UBA2: variants seen among roughly 807,000 people sequenced by gnomAD.
UBA2 encodes ubiquitin like modifier activating enzyme 2, also known as SUMO-activating enzyme subunit 2.
In UBA2, 11 loss-of-function variants were observed where a neutral mutation model predicts 77.2. The observed-to-expected ratio is 0.14, with a 90% confidence interval of 0.09 to 0.24. The LOEUF (loss-of-function observed/expected upper bound fraction) is 0.24. Ranked by LOEUF, UBA2 falls within the 10% of genes least tolerant of loss-of-function variation. The probability of loss-of-function intolerance (pLI) is 1.00; values close to 1 mark genes in which losing one functional copy is unlikely to be tolerated. For synonymous variants in UBA2, 278 were observed against 276.7 expected (o/e 1.00, Z -0.05); for missense variants, 487 against 781.7 (o/e 0.62, Z 4.50).
At chr19:34,438,908 T>C in intron 6 of UBA2, 142 bp downstream of exon 6, 1 of 1,205,952 alleles carries the variant, frequency 8.3e-7, no homozygotes, top group Non-Finnish European at 1.1e-6. Context: ...TTGCAGTATT[T>C]CTTAGGTTAA....
chr19:34,445,239 C>T, intron 8 of UBA2, 118 bp downstream of exon 8: 1 of 998,310 alleles, frequency 1.0e-6, no homozygotes, highest in Admixed American at 2.8e-5. Flanking sequence ...TATGTATATG[C>T]CTTGTGATGT....
At chr19:34,440,445 C>G (rs1173954450) in intron 6 of UBA2, among the ~76,000 whole-genome samples, 1 of 152,054 alleles carries the variant, frequency 6.6e-6, no homozygotes, top group Non-Finnish European at 1.5e-5. Flanking sequence ...ACAAAACTTG[C>G]AAGGAGTATA....
intron 16 of UBA2, among the ~76,000 whole-genome samples, chr19:34,467,529 C>A (rs2075700463): frequency 1.3e-5 from 2 of 151,642 alleles, no homozygotes. Context: ...AACCCCAACG[C>A]TTTGGGAGGC....
intron 1 of UBA2, 48 bp downstream of exon 1, chr19:34,428,618 C>T: frequency 2.8e-6 from 3 of 1,067,364 alleles, no homozygotes; most frequent in Non-Finnish European, 3.5e-6. Flanking sequence ...GGTGCGGGGG[C>T]TGGGATTCGG....
intron 1 of UBA2, 148 bp from the exon 2 acceptor site, chr19:34,430,428 T>G: frequency 4.1e-6 from 2 of 483,356 alleles, no homozygotes; most frequent in South Asian, 8.9e-5. Context: ...CTTTATCAGT[T>G]TAACAATTTT....
At chr19:34,431,828 A>G (rs1187486084) in intron 2 of UBA2, 33 bp from the exon 3 acceptor site, 2 of 1,585,342 alleles carry the variant, frequency 1.3e-6, no homozygotes, top group Admixed American at 1.7e-5. Context: ...GAACAGAAAT[A>G]TTGTAGTAAT....
At chr19:34,450,148 T>C in intron 8 of UBA2, 117 bp from the exon 9 acceptor site, 1 of 666,824 alleles carries the variant, frequency 1.5e-6, no homozygotes, top group Non-Finnish European at 2.6e-6. Context: ...GCTGCTGGTA[T>C]ATGACATGTA....
intron 6 of UBA2, among the ~76,000 whole-genome samples, chr19:34,439,743 C>A (rs1182450260): frequency 6.6e-6 from 1 of 152,018 alleles, no homozygotes; most frequent in Non-Finnish European, 1.5e-5. Flanking sequence ...TCAGTTGAGC[C>A]TGGGAGGTTG....
At chr19:34,429,609 C>A (rs916674502) in intron 1 of UBA2, among the ~76,000 whole-genome samples, 1 of 152,196 alleles carries the variant, frequency 6.6e-6, no homozygotes, top group African/African-American at 2.4e-5. Flanking sequence ...ATTCAATAAA[C>A]GTTTGCCATG....
chr19:34,440,925 CAAAA>C (rs569153016), intron 6 of UBA2, among the ~76,000 whole-genome samples: 1 of 64,464 alleles, frequency 1.6e-5, no homozygotes. Context: ...GACTCCATCT[CAAAA>C]AAAAAAAAAA....
intron 14 of UBA2, among the ~76,000 whole-genome samples, chr19:34,463,413 A>G (rs1002452358): frequency 6.6e-5 from 10 of 152,176 alleles, no homozygotes; most frequent in African/African-American, 2.2e-4. Context: ...AGAAATTTAT[A>G]TTCTCACAGT....
intron 13 of UBA2, 42 bp downstream of exon 13, chr19:34,458,966 G>A: frequency 6.4e-7 from 1 of 1,563,384 alleles, no homozygotes; most frequent in Non-Finnish European, 8.7e-7. Context: ...TGCTTTTACA[G>A]TATTACTGTG....
At chr19:34,466,093 T>C (rs2075684526) in intron 15 of UBA2, among the ~76,000 whole-genome samples, 2 of 151,986 alleles carry the variant, frequency 1.3e-5, no homozygotes, top group Non-Finnish European at 2.9e-5. Flanking sequence ...CCCAGCACTT[T>C]GGGAGGCTGA....
intron 6 of UBA2, 60 bp downstream of exon 6, chr19:34,438,826 T>G: frequency 6.3e-7 from 1 of 1,591,774 alleles, no homozygotes; most frequent in South Asian, 1.1e-5. Flanking sequence ...TGGAGTCATT[T>G]TTATTTAATT....
chr19:34,428,838 C>A, intron 1 of UBA2: 1 of 1,129,730 alleles, frequency 8.9e-7, no homozygotes, highest in Non-Finnish European at 1.1e-6. Context: ...CAATGTGTGG[C>A]GCTTCGTGGG....
intron 16 of UBA2, among the ~76,000 whole-genome samples, chr19:34,468,097 T>G (rs1275131004): frequency 1.3e-5 from 2 of 152,218 alleles, no homozygotes; most frequent in Non-Finnish European, 2.9e-5. Flanking sequence ...AATAACTGAT[T>G]GTTTACTGTA....
chr19:34,437,673 T>G (rs1283669886), intron 5 of UBA2, among the ~76,000 whole-genome samples: 1 of 152,176 alleles, frequency 6.6e-6, no homozygotes, highest in Non-Finnish European at 1.5e-5. Flanking sequence ...GATGATTCAT[T>G]TGATAGTTTT....
At chr19:34,457,180 ATATATATATAT>A (rs1346869760) in intron 12 of UBA2, among the ~76,000 whole-genome samples, 22 of 39,984 alleles carry the variant, frequency 5.5e-4, no homozygotes, top group Admixed American at 5.2e-3. Flanking sequence ...AAAAAAAAAA[ATATATATATAT>A]ATATATATAT....
At chr19:34,453,593 G>C (rs2075526097) in intron 10 of UBA2, among the ~76,000 whole-genome samples, 1 of 148,684 alleles carries the variant, frequency 6.7e-6, no homozygotes, top group South Asian at 2.1e-4. Context: ...GCATGATCTT[G>C]GCTTACTGCA....
Sources: allele counts gnomAD v4.1 joint callset (sites outside exome capture counted in the v4.1 genomes callset), GRCh38; gene constraint gnomAD v4.1.1; transcripts MANE v1.5; gene names NCBI Gene and HGNC (gene_info 2026-07-23, HGNC 2026-07-21).